The following RARB variants were observed in gnomAD, a reference collection of about 807,000 sequenced individuals.
RARB encodes HBV-activated protein.
RARB carries 17 observed loss-of-function variants against 51.9 expected under a neutral mutation model. The ratio of observed to expected loss-of-function variants is 0.33; its 90% CI spans 0.22 to 0.49. The LOEUF (loss-of-function observed/expected upper bound fraction) is 0.49, where lower values mean the gene tolerates loss of function less well. RARB is among the 20% of genes least tolerant of loss of function. RARB has a pLI of 0.99. For missense variants in RARB, 369 were observed against 550.8 expected (o/e 0.67, Z 3.30); for synonymous variants, 215 against 195.4 (o/e 1.10, Z -0.84).
chr3:25,255,222 A>T (rs1371758909), intron 5 of RARB, among the ~76,000 whole-genome samples: 6 of 152,120 alleles, frequency 3.9e-5, no homozygotes, highest in Non-Finnish European at 5.9e-5. Flanking sequence ...ACAAATATGA[A>T]TTTTTTCTGG....
chr3:25,499,913 C>T (rs1235361952), intron 2 of RARB, among the ~76,000 whole-genome samples: 7 of 152,210 alleles, frequency 4.6e-5, no homozygotes, highest in Admixed American at 3.3e-4. Context: ...TTTGCACCTA[C>T]ACTAGACAAA....
chr3:25,434,606 A>G (rs1295967619), intron 1 of RARB, among the ~76,000 whole-genome samples: 2 of 134,568 alleles, frequency 1.5e-5, no homozygotes, highest in African/African-American at 5.8e-5. Flanking sequence ...CAGTGGTGTG[A>G]TCTCAGCTCA....
chr3:25,287,284 G>A lies in RARB; in HGVS notation c.178+112709G>A, dbSNP rs143162742. On this transcript the variant is annotated intron_variant, in intron 5 of 11. Transcript: ENST00000383772. ...TTTTCATCCAAAATTCATTTCTGAC[G>A]TGGTTTTATTTTTCCCTTACACTCT... Among the ~76,000 whole-genome samples the A allele has an allele frequency of 4.7e-4, 72 of 152,188 alleles. 1 individual carries two copies. The East Asian group carries it at 0.011, about 23-fold the overall frequency.
chr3:25,592,858 G>A (rs1701663923), intron 5 of RARB, among the ~76,000 whole-genome samples: 2 of 152,156 alleles, frequency 1.3e-5, no homozygotes, highest in Non-Finnish European at 2.9e-5. Flanking sequence ...GTACCTTGCT[G>A]GTTTCACTCA....
chr3:24,878,354 A>C (rs569100433), intron 2 of RARB, among the ~76,000 whole-genome samples: 1 of 149,356 alleles, frequency 6.7e-6, no homozygotes, highest in South Asian at 2.1e-4. Flanking sequence ...GCTTGTTTCC[A>C]AGTTGTGATT....
chr3:25,544,724 T>C (rs1415334222), intron 3 of RARB, among the ~76,000 whole-genome samples: 1 of 152,058 alleles, frequency 6.6e-6, no homozygotes, highest in Non-Finnish European at 1.5e-5. Flanking sequence ...ACAGGCAATA[T>C]CTCCAAGGGG....
intron 5 of RARB, among the ~76,000 whole-genome samples, chr3:25,214,146 G>A (rs928024340): frequency 6.6e-6 from 1 of 152,154 alleles, no homozygotes; most frequent in Non-Finnish European, 1.5e-5. Flanking sequence ...CAGAAAAGCA[G>A]CATTTTGAAA....
At chr3:25,594,422 A>G (rs57466864) in intron 6 of RARB, 98 bp from the exon 7 acceptor site, 5 of 1,263,404 alleles carry the variant, frequency 4.0e-6, no homozygotes, top group Non-Finnish European at 5.3e-6. Flanking sequence ...TTGAATTACC[A>G]AATTAATGAA....
chr3:25,238,152 C>T (rs1007654276), intron 5 of RARB, among the ~76,000 whole-genome samples: 2 of 148,806 alleles, frequency 1.3e-5, no homozygotes, highest in African/African-American at 5.1e-5. Context: ...CCTCCAGCGC[C>T]CCCCCACACA....
rs386396163 is a variant in RARB at position 24,912,975 on chromosome 3, C to CTTTTTTTTTTT, written c.-380+54235_-380+54245dup. On this transcript the variant is annotated intron_variant, in intron 2 of 11. Transcript: ENST00000383772. The stretch of plus-strand genomic sequence containing the variant: ...GCAATACGCACACAAGGTACTGATT[C>CTTTTTTTTTTT]TTTTTTTTTTTTTTTTTTTTTTGGA... Among the ~76,000 whole-genome samples the CTTTTTTTTTTT allele has an allele frequency of 6.7e-4, 50 of 75,044 alleles. 8 individuals carry two copies. Among genetic ancestry groups the CTTTTTTTTTTT allele is most frequent in the East Asian group, 2.5e-3 (6 of 2,434 alleles). 49.2% of individuals were successfully genotyped at this position (75,044 alleles called of 152,430 possible). A position where few individuals can be genotyped will look rare whatever the true frequency, so the allele number is the denominator to read the frequency against.
At chr3:24,865,123 T>C (rs1702822676) in intron 2 of RARB, among the ~76,000 whole-genome samples, 1 of 152,148 alleles carries the variant, frequency 6.6e-6, no homozygotes, top group Non-Finnish European at 1.5e-5. Context: ...ACAGATAATA[T>C]TCATCAACTT....
chr3:25,258,304 C>T (rs976792480), intron 5 of RARB, among the ~76,000 whole-genome samples: 1 of 152,106 alleles, frequency 6.6e-6, no homozygotes, highest in African/African-American at 2.4e-5. Context: ...TAGCTAATCA[C>T]CCCAAAGTGA....
intron 1 of RARB, among the ~76,000 whole-genome samples, chr3:24,855,269 C>T (rs181489028): frequency 6.6e-6 from 1 of 152,002 alleles, no homozygotes; most frequent in African/African-American, 2.4e-5. Flanking sequence ...AGGAAGAATA[C>T]TTTGGACATA....
chr3:24,959,173 G>T (rs12635833), intron 2 of RARB, among the ~76,000 whole-genome samples: 1 of 152,004 alleles, frequency 6.6e-6, no homozygotes, highest in Admixed American at 6.5e-5. Flanking sequence ...ATGTGAGGCA[G>T]TTGCTCTCTG....
chr3:25,068,740 G>A (rs1383700949), intron 3 of RARB, among the ~76,000 whole-genome samples: 1 of 152,092 alleles, frequency 6.6e-6, no homozygotes, highest in Non-Finnish European at 1.5e-5. Flanking sequence ...ATCTGATTGA[G>A]GCAAGAAGCA....
upstream of RARB, among the ~76,000 whole-genome samples, chr3:25,426,450 G>A (rs1414188689): frequency 1.3e-5 from 2 of 152,198 alleles, no homozygotes; most frequent in African/African-American, 4.8e-5. Flanking sequence ...AAGTGTGTGC[G>A]ATGCATACTT....
intron 2 of RARB, among the ~76,000 whole-genome samples, chr3:24,895,579 C>T (rs550536137): frequency 3.3e-5 from 5 of 150,814 alleles, no homozygotes; most frequent in African/African-American, 4.9e-5. Flanking sequence ...TTTCTATATG[C>T]TAATTATCTT....
intron 1 of RARB, among the ~76,000 whole-genome samples, chr3:25,449,295 G>T (rs1316064542): frequency 3.3e-5 from 5 of 152,078 alleles, no homozygotes; most frequent in African/African-American, 1.2e-4. Context: ...TGCAGAAGGG[G>T]TTAGTGAGTG....
At chr3:25,199,401 C>T (rs144793288) in intron 5 of RARB, among the ~76,000 whole-genome samples, 5,150 of 151,800 alleles carry the variant, frequency 0.034, 115 homozygotes, top group Middle Eastern at 0.095. Context: ...CAAAACAGAG[C>T]GATTACAGTC....
Sources: allele counts gnomAD v4.1 joint callset (sites outside exome capture counted in the v4.1 genomes callset), GRCh38; gene constraint gnomAD v4.1.1; transcripts MANE v1.5; gene names NCBI Gene and HGNC (gene_info 2026-07-23, HGNC 2026-07-21).